Variants in SH3TC2 observed in about 807,000 individuals in gnomAD.
The protein encoded by SH3TC2 is SH3 domain and tetratricopeptide repeat-containing protein 2.
In SH3TC2, 87 loss-of-function variants were observed where a neutral mutation model predicts 124.5. That is an observed-to-expected ratio of 0.70 (90% confidence interval 0.59 to 0.84). The LOEUF is 0.84. Ranked by LOEUF, SH3TC2 falls within the 40% of genes least tolerant of loss-of-function variation. The probability of loss-of-function intolerance (pLI) is 0.00; values close to 1 mark genes in which losing one functional copy is unlikely to be tolerated. For synonymous variants in SH3TC2, 634 were observed against 628.5 expected, an observed-to-expected ratio of 1.01 and a Z score of -0.13; for missense variants, 1,536 against 1,566.4, an observed-to-expected ratio of 0.98 and a Z score of 0.33.
rs943686059 is a variant in SH3TC2 at position 148,984,085 on chromosome 5, T to G, written c.*20626A>C. 2.0e-5 allele frequency among the ~76,000 whole-genome samples: 3 copies of G among 152,202 alleles called. No homozygotes were observed. Among genetic ancestry groups the G allele is most frequent in the African/African-American group, 7.2e-5 (3 of 41,464 alleles). On this transcript the variant is annotated 3_prime_UTR_variant, in exon 17 of 17. Transcript: ENST00000515425. ...ATGAATATTGATATCACTTCCCAGATTTGGGACGTTTTCAGCTATTATTTC... is the reference window on the plus strand; with the variant it reads ...ATGAATATTGATATCACTTCCCAGAGTTGGGACGTTTTCAGCTATTATTTC...
chr5:149,036,816 G>T (rs1303015169), intron 8 of SH3TC2, among the ~76,000 whole-genome samples: 1 of 152,136 alleles, frequency 6.6e-6, no homozygotes, highest in Non-Finnish European at 1.5e-5. Flanking sequence ...GCAGAACACA[G>T]GTGTCCATAT....
At position 148,996,257 on chromosome 5, in the gene SH3TC2, C is replaced by A; in HGVS notation, c.*8454G>T. 6.6e-6 allele frequency among the ~76,000 whole-genome samples: 1 copy of A among 151,482 alleles called. No individual in the cohort carries two copies. The highest frequency in any genetic ancestry group is 1.9e-4 in the East Asian group (1 of 5,158). ...CCTGGGCAACAGAGTGAGACCCTGC[C>A]TAAATAAGAGAGAAAGAGAGAGAGA... On this transcript the variant is annotated 3_prime_UTR_variant, in exon 17 of 17. Coordinates refer to ENST00000515425, the MANE Select transcript of SH3TC2 (RefSeq NM_024577.4).
At position 149,042,720 on chromosome 5, in the gene SH3TC2, A is replaced by G. The variant is rs2127400951; in HGVS notation, c.503T>C (p.Ile168Thr). 2 of 1,614,096 alleles carry G rather than the reference A, an allele frequency of 1.2e-6. No individual in the cohort carries two copies. Among genetic ancestry groups the G allele is most frequent in the South Asian group, 2.2e-5 (2 of 91,086 alleles). Reference sequence around the variant, plus strand: ...TTCCTGTATCAGGAGTCCCAGGTATATTGTTTCCAGGTGTTTATCATCTAC... The same window carrying G: ...TTCCTGTATCAGGAGTCCCAGGTATGTTGTTTCCAGGTGTTTATCATCTAC... ...VSVDDKHLET[I>T]YLGLLIQEGH... The change falls in exon 5 of 17, where the codon ATA becomes ACA. Residue 168 changes from isoleucine to threonine, a missense_variant. Ile to Thr is a moderately conservative substitution (Grantham distance 89, BLOSUM62 -1). Transcript: ENST00000515425.
rs1241993356 is a variant in SH3TC2 at position 149,038,493 on chromosome 5, G to A, written c.806-3C>T. 1.2e-6 allele frequency: 2 copies of A among 1,613,846 alleles called. No homozygotes were observed. Among genetic ancestry groups the A allele is most frequent in the Non-Finnish European group, 8.5e-7 (1 of 1,179,800 alleles). On this transcript the variant is annotated splice_region_variant and splice_polypyrimidine_tract_variant and intron_variant, in intron 7 of 16. Transcript: ENST00000515425. ...CAAGGCCTTACAGCGTCCTCTGCCT[G>A]TGGAAAATAGCACACAGATCAGCTA...
chr5:149,061,295 C>T (rs892663137), intron 1 of SH3TC2, among the ~76,000 whole-genome samples: 3 of 152,076 alleles, frequency 2.0e-5, no homozygotes, highest in Non-Finnish European at 2.9e-5. Flanking sequence ...GGCTGAAGGA[C>T]GATGTCAACT....
chr5:149,030,134 G>A (rs1754158383), intron 9 of SH3TC2, among the ~76,000 whole-genome samples: 1 of 152,172 alleles, frequency 6.6e-6, no homozygotes, highest in Admixed American at 6.5e-5. Context: ...ATGTGGAGGG[G>A]TACACGCCCC....
At position 148,997,134 on chromosome 5, in the gene SH3TC2, G is replaced by T. The variant is rs1387446665; in HGVS notation, c.*7577C>A. Among the ~76,000 whole-genome samples the T allele has an allele frequency of 6.6e-6, 1 of 152,190 alleles. No individual in the cohort carries two copies. The highest frequency in any genetic ancestry group is 1.5e-5 in the Non-Finnish European group (1 of 68,024). On this transcript the variant is annotated 3_prime_UTR_variant, in exon 17 of 17. Transcript: ENST00000515425. ...AGCTTTTTCCATGATGTCAAAAGTA[G>T]GCTATTCTCTCATGTTCATGATCTT...
rs1002986626 is a variant in SH3TC2 at position 149,000,539 on chromosome 5, T to A, written c.*4172A>T. Among the ~76,000 whole-genome samples the A allele has an allele frequency of 1.3e-5, 2 of 152,266 alleles. No homozygotes were observed. Among genetic ancestry groups the A allele is most frequent in the Non-Finnish European group, 2.9e-5 (2 of 68,042 alleles). Reference sequence around the variant, plus strand: ...CAAGTTTTTCTTCTATATAGACTAGTCATCCCTTATAAAAATAAGTTAATA... The same window carrying A: ...CAAGTTTTTCTTCTATATAGACTAGACATCCCTTATAAAAATAAGTTAATA... On this transcript the variant is annotated 3_prime_UTR_variant, in exon 17 of 17. Coordinates refer to ENST00000515425, the MANE Select transcript of SH3TC2 (RefSeq NM_024577.4).
intron 12 of SH3TC2, chr5:149,025,702 A>G (rs1754051748): frequency 6.6e-6 from 1 of 152,254 alleles, no homozygotes; most frequent in African/African-American, 2.4e-5. Context: ...CAATGAAGAG[A>G]AAACCAACAG....
At chr5:149,019,867 A>G (rs1194710896) in intron 12 of SH3TC2, among the ~76,000 whole-genome samples, 1 of 152,152 alleles carries the variant, frequency 6.6e-6, no homozygotes, top group East Asian at 1.9e-4. Context: ...GCAACCACTG[A>G]AGGAGACAAT....
rs886060107 is a variant in SH3TC2, at chr5:148,987,809, C to G, written c.*16902G>C. On this transcript the variant is annotated 3_prime_UTR_variant, in exon 17 of 17. Transcript: ENST00000515425. The stretch of plus-strand genomic sequence containing the variant: ...CCTCACTCGAGGCCTCATTCAAAAT[C>G]TGTGTGTGTGTGTGTGTGTGTGTGT... Among the ~76,000 whole-genome samples, 24 of 135,320 alleles carry G rather than the reference C, an allele frequency of 1.8e-4. No homozygotes were observed. Among genetic ancestry groups the G allele is most frequent in the Non-Finnish European group, 2.5e-4 (16 of 63,300 alleles). 88.8% of individuals were successfully genotyped at this position (135,320 alleles called of 152,430 possible).
rs980736145 is a variant in SH3TC2 at position 149,042,570 on chromosome 5, G to A, written c.529+124C>T. ...TGTTCAAAGTACTATTATAACAGGT[G>A]GGTTCATTTGTGAATATTCCATGTT... On this transcript the variant is annotated intron_variant, in intron 5 of 16. Transcript: ENST00000515425. 11 of 1,143,776 alleles carry A rather than the reference G, an allele frequency of 9.6e-6. No individual in the cohort carries two copies. In the Admixed American group the frequency reaches 1.5e-4, roughly 16 times the overall value. The allele number at this position is 1,143,776 out of a possible 1,614,324, so 70.9% of individuals were successfully genotyped here. A position where few individuals can be genotyped will look rare whatever the true frequency, so the allele number is the denominator to read the frequency against.
rs1163327014 is a variant in SH3TC2, at chr5:148,992,976, T to A, written c.*11735A>T. 6.6e-6 allele frequency among the ~76,000 whole-genome samples: 1 copy of A among 152,222 alleles called. No individual in the cohort carries two copies. The highest frequency in any genetic ancestry group is 2.4e-5 in the African/African-American group (1 of 41,450). ...CCTTGAAGTTTGTATCATTGATAGT[T>A]ACCTCTGATCTGCCACTCTGCCCAT... On this transcript the variant is annotated 3_prime_UTR_variant, in exon 17 of 17. Transcript: ENST00000515425.
chr5:149,047,953 C>G lies in SH3TC2; in HGVS notation c.188G>C (p.Arg63Thr), dbSNP rs747938069. Residue 63 changes from arginine to threonine, a missense_variant, in exon 3 of 17, where the codon AGG (arginine) becomes ACG (threonine). Arg to Thr is a moderately conservative substitution (Grantham distance 71). Around this residue, in one of 3 missense-constraint regions of SH3TC2, gnomAD observed 1,102 missense variants for 1,098.6 expected, o/e 1.00. Transcript: ENST00000515425. Reference protein sequence around the residue: ...TLSFCVKSRSRRCVNGPLQEA... With the variant: ...TLSFCVKSRSTRCVNGPLQEA... ...CTGTAGGGGTCCATTTACACACCTC[C>G]TGGAGCGGCTCTTTACACAGAAGGA... The G allele has an allele frequency of 1.9e-6, 3 of 1,614,134 alleles. No individual in the cohort carries two copies. In the Admixed American group the frequency reaches 5.0e-5, roughly 27 times the overall value.
intron 1 of SH3TC2, 104 bp downstream of exon 1, chr5:149,062,864 TCCC>T (rs2127406061): frequency 9.4e-7 from 1 of 1,062,078 alleles, no homozygotes; most frequent in East Asian, 2.6e-5. Flanking sequence ...CACAATCATC[TCCC>T]CATCTTTGGG....
intron 2 of SH3TC2, among the ~76,000 whole-genome samples, chr5:149,049,230 C>T (rs1314856902): frequency 1.3e-5 from 2 of 152,158 alleles, no homozygotes; most frequent in African/African-American, 4.8e-5. Flanking sequence ...TCTCATGCAA[C>T]CCCTTTCACT....
At chr5:149,028,655 G>T (rs1485233595) in intron 10 of SH3TC2, 22 bp downstream of exon 10, 13 of 1,614,196 alleles carry the variant, frequency 8.1e-6, no homozygotes, top group Non-Finnish European at 1.0e-5. Flanking sequence ...TGAATGTCAG[G>T]TTCAGCATGA....
chr5:149,007,487 T>A (rs1442499555), intron 15 of SH3TC2: 2 of 389,516 alleles, frequency 5.1e-6, no homozygotes, highest in South Asian at 3.4e-5. Flanking sequence ...TCTAGCTTGA[T>A]GGAGTAGCTA....
At position 149,003,915 on chromosome 5, in the gene SH3TC2, C is replaced by G. The variant is rs1018091936; in HGVS notation, c.*796G>C. 3 of 316,350 alleles carry G rather than the reference C, an allele frequency of 9.5e-6. No individual in the cohort carries two copies. The highest frequency in any genetic ancestry group is 1.9e-5 in the Non-Finnish European group (3 of 156,610). 19.6% of individuals were successfully genotyped at this position (316,350 alleles called of 1,614,324 possible). The stretch of plus-strand genomic sequence containing the variant: ...CTCCCATCCATCAAGTCCTCCATCT[C>G]ATCTGCCCCCATTGTGGATGAGACA... On this transcript the variant is annotated 3_prime_UTR_variant, in exon 17 of 17. Transcript: ENST00000515425.
Sources: allele counts gnomAD v4.1 joint callset (sites outside exome capture counted in the v4.1 genomes callset), GRCh38; gene constraint gnomAD v4.1.1; regional missense constraint gnomAD v4.1.1; transcripts MANE v1.5; gene names NCBI Gene and HGNC (gene_info 2026-07-23, HGNC 2026-07-21).